The following LRBA variants were observed in gnomAD, a reference collection of about 807,000 sequenced individuals.
LRBA encodes the protein LPS responsive beige-like anchor protein, also known as lipopolysaccharide-responsive and beige-like anchor protein.
A neutral mutation model predicts 330.0 loss-of-function variants in LRBA; 176 were observed. That is an observed-to-expected ratio of 0.53 (90% confidence interval 0.47 to 0.60). The LOEUF is 0.60. LRBA is among the 20% of genes least tolerant of loss of function. LRBA has a pLI of 0.00. For missense variants in LRBA, 3,259 were observed against 3,444.8 expected (o/e 0.95, Z 1.35); for synonymous variants, 1,230 against 1,193.0 (o/e 1.03, Z -0.64).
chr4:150,436,473 C>T (rs944760762), intron 45 of LRBA, among the ~76,000 whole-genome samples: 1 of 152,026 alleles, frequency 6.6e-6, no homozygotes, highest in African/African-American at 2.4e-5. Context: ...ATTTATGCTA[C>T]AATTTGGAAT....
intron 53 of LRBA, among the ~76,000 whole-genome samples, chr4:150,288,793 CTTTTTTTT>C (rs1216797652): frequency 8.6e-5 from 9 of 104,052 alleles, no homozygotes; most frequent in Non-Finnish European, 1.4e-4. Flanking sequence ...TGTGATTGTT[CTTTTTTTT>C]TTTTTTTTTT....
At chr4:150,345,205 C>T (rs1736121406) in intron 48 of LRBA, among the ~76,000 whole-genome samples, 1 of 152,200 alleles carries the variant, frequency 6.6e-6, no homozygotes, top group South Asian at 2.1e-4. Context: ...TTTAGTTACA[C>T]TTATTTTCCC....
chr4:150,393,280 T>C (rs1744254174), intron 47 of LRBA, among the ~76,000 whole-genome samples: 1 of 152,142 alleles, frequency 6.6e-6, no homozygotes, highest in Non-Finnish European at 1.5e-5. Flanking sequence ...CAATACATAT[T>C]TGCTGAATGA....
chr4:150,736,401 T>C (rs1731182505), intron 35 of LRBA, among the ~76,000 whole-genome samples: 2 of 152,124 alleles, frequency 1.3e-5, no homozygotes, highest in Admixed American at 6.6e-5. Context: ...TTAGAACTAA[T>C]TGTGTAACAG....
At chr4:150,895,133 T>G (rs1473632500) in intron 16 of LRBA, among the ~76,000 whole-genome samples, 2 of 151,952 alleles carry the variant, frequency 1.3e-5, no homozygotes, top group African/African-American at 4.9e-5. Context: ...TGCTGTGATG[T>G]ATTATATTCC....
chr4:150,698,657 C>A (rs144982393), intron 36 of LRBA, among the ~76,000 whole-genome samples: 1 of 152,280 alleles, frequency 6.6e-6, no homozygotes, highest in Admixed American at 6.5e-5. Context: ...AACAAAATCT[C>A]ATCGATTCAC....
At chr4:150,991,608 A>G (rs1401149096) in intron 2 of LRBA, among the ~76,000 whole-genome samples, 1 of 152,228 alleles carries the variant, frequency 6.6e-6, no homozygotes, top group East Asian at 1.9e-4. Context: ...ATTCTGGAAA[A>G]CAAAGTGACA....
rs201878879 is a variant in LRBA at position 150,868,275 on chromosome 4, C to A, written c.2480G>T (p.Arg827Leu). The change falls in exon 21 of 57, where the codon CGA becomes CTA. Residue 827 changes from arginine (R) to leucine (L), a missense_variant. Transcript: ENST00000651943. ...QILKVIATLL[R>L]NSPQCPESME... ...GCTCTCTGGGCACTGGGGAGAATTTCGAAGTAGGGTCGCAATTACTTTTAG... is the reference window on the plus strand; with the variant it reads ...GCTCTCTGGGCACTGGGGAGAATTTAGAAGTAGGGTCGCAATTACTTTTAG... 6.2e-7 allele frequency: 1 copy of A among 1,611,812 alleles called. No individual in the cohort carries two copies. Among genetic ancestry groups the A allele is most frequent in the Non-Finnish European group, 8.5e-7 (1 of 1,178,568 alleles).
chr4:150,636,685 A>T (rs946307341), intron 37 of LRBA, among the ~76,000 whole-genome samples: 25 of 152,072 alleles, frequency 1.6e-4, no homozygotes, highest in African/African-American at 4.6e-4. Flanking sequence ...CCAGTACTTT[A>T]TTGCCCAGCT....
intron 37 of LRBA, among the ~76,000 whole-genome samples, chr4:150,640,547 G>A: frequency 6.6e-6 from 1 of 152,096 alleles, no homozygotes; most frequent in Non-Finnish European, 1.5e-5. Flanking sequence ...TCATAGATAA[G>A]GAATAATTGC....
At chr4:150,507,584 G>C (rs1213427949) in intron 40 of LRBA, among the ~76,000 whole-genome samples, 1 of 151,906 alleles carries the variant, frequency 6.6e-6, no homozygotes, top group East Asian at 1.9e-4. Flanking sequence ...AATTCAAGAT[G>C]GATTAAAGAC....
At chr4:150,312,682 T>C (rs1429799174) in intron 51 of LRBA, among the ~76,000 whole-genome samples, 1 of 152,138 alleles carries the variant, frequency 6.6e-6, no homozygotes, top group Non-Finnish European at 1.5e-5. Flanking sequence ...ATGCTGTCAA[T>C]TGGTAGATAA....
At chr4:150,500,243 A>T (rs1214071130) in intron 40 of LRBA, among the ~76,000 whole-genome samples, 2 of 151,816 alleles carry the variant, frequency 1.3e-5, no homozygotes, top group Admixed American at 6.6e-5. Flanking sequence ...AAAATTTTTT[A>T]AAAATAAAAT....
At chr4:150,588,601 G>A (rs1772413934) in intron 39 of LRBA, among the ~76,000 whole-genome samples, 1 of 152,208 alleles carries the variant, frequency 6.6e-6, no homozygotes, top group African/African-American at 2.4e-5. Flanking sequence ...TTAGCTTACA[G>A]TATGGTAGAG....
At chr4:150,997,621 G>A (rs1742812657) in intron 2 of LRBA, among the ~76,000 whole-genome samples, 1 of 152,014 alleles carries the variant, frequency 6.6e-6, no homozygotes, top group African/African-American at 2.4e-5. Context: ...TTTGCTCTAG[G>A]TTGTTTATTT....
intron 2 of LRBA, among the ~76,000 whole-genome samples, chr4:150,954,705 T>C (rs1332181367): frequency 1.4e-5 from 2 of 146,930 alleles, no homozygotes; most frequent in African/African-American, 2.7e-5. Flanking sequence ...TTCCCTCCAC[T>C]ATTGTCCTAT....
At chr4:150,389,384 C>T (rs62347036) in intron 47 of LRBA, among the ~76,000 whole-genome samples, 56,790 of 148,144 alleles carry the variant, frequency 0.38, 11,553 homozygotes, top group Non-Finnish European at 0.47. Context: ...TAAATAAATA[C>T]TCCATAGGAG....
At chr4:150,410,676 T>C (rs770826016) in intron 47 of LRBA, among the ~76,000 whole-genome samples, 1 of 152,182 alleles carries the variant, frequency 6.6e-6, no homozygotes, top group Non-Finnish European at 1.5e-5. Context: ...AATAGGGATA[T>C]TGTCTCTTAT....
At chr4:151,003,499 A>G (rs764548015) in intron 2 of LRBA, among the ~76,000 whole-genome samples, 14 of 152,080 alleles carry the variant, frequency 9.2e-5, no homozygotes, top group Non-Finnish European at 1.8e-4. Flanking sequence ...GAGGTGTCAC[A>G]CTACTTGACA....
Sources: allele counts gnomAD v4.1 joint callset (sites outside exome capture counted in the v4.1 genomes callset), GRCh38; gene constraint gnomAD v4.1.1; transcripts MANE v1.5; gene names NCBI Gene and HGNC (gene_info 2026-07-23, HGNC 2026-07-21).